Variants in CNTNAP2 observed in about 807,000 individuals in gnomAD.
The protein encoded by CNTNAP2 is contactin-associated protein-like 2.
A neutral mutation model predicts 155.2 loss-of-function variants in CNTNAP2; 98 were observed. That is an observed-to-expected ratio of 0.63 (90% CI 0.54 to 0.75). CNTNAP2 has a LOEUF of 0.75. Ranked by LOEUF, CNTNAP2 falls within the 30% of genes least tolerant of loss-of-function variation. The pLI is 0.00. For synonymous variants in CNTNAP2, 651 were observed against 631.2 expected (o/e 1.03, Z -0.47); for missense variants, 1,727 against 1,688.1 (o/e 1.02, Z -0.40).
At chr7:147,432,989 T>C (rs1797490914) in intron 10 of CNTNAP2, among the ~76,000 whole-genome samples, 1 of 152,200 alleles carries the variant, frequency 6.6e-6, no homozygotes, top group Non-Finnish European at 1.5e-5. Context: ...TCTAAAACAC[T>C]GGTGCCTGGC....
chr7:146,616,017 T>C (rs796651804), intron 1 of CNTNAP2, among the ~76,000 whole-genome samples: 10 of 152,334 alleles, frequency 6.6e-5, no homozygotes, highest in South Asian at 6.2e-4. Flanking sequence ...GTTAGAATTT[T>C]AGTATGACAA....
At chr7:148,267,174 G>C (rs752509097) in intron 21 of CNTNAP2, 48 bp downstream of exon 21, 11 of 1,492,388 alleles carry the variant, frequency 7.4e-6, no homozygotes, top group Non-Finnish European at 1.0e-5. Flanking sequence ...AAATACATTT[G>C]GGTAATGTGA....
chr7:147,202,497 A>G (rs1233610734), intron 8 of CNTNAP2, among the ~76,000 whole-genome samples: 1 of 152,234 alleles, frequency 6.6e-6, no homozygotes, highest in Non-Finnish European at 1.5e-5. Flanking sequence ...GTACAGTATC[A>G]AACTGTCCAT....
At chr7:146,667,879 T>A (rs1179958073) in intron 1 of CNTNAP2, among the ~76,000 whole-genome samples, 1 of 152,084 alleles carries the variant, frequency 6.6e-6, no homozygotes, top group Non-Finnish European at 1.5e-5. Context: ...TTCAGTAGAA[T>A]CTTTAGGTTT....
intron 3 of CNTNAP2, among the ~76,000 whole-genome samples, chr7:147,019,174 C>A (rs1280478426): frequency 6.6e-6 from 1 of 151,992 alleles, no homozygotes; most frequent in Non-Finnish European, 1.5e-5. Context: ...CTCTTAATCT[C>A]AAAAAATATA....
At chr7:146,430,194 A>AT (rs1796153446) in intron 1 of CNTNAP2, among the ~76,000 whole-genome samples, 1 of 143,062 alleles carries the variant, frequency 7.0e-6, no homozygotes, top group African/African-American at 2.5e-5. Context: ...TTTTTGTTTT[A>AT]TTTTTTTAAT....
chr7:147,627,708 AAAAAAAG>A (rs1444604162), intron 12 of CNTNAP2, among the ~76,000 whole-genome samples: 6 of 150,694 alleles, frequency 4.0e-5, no homozygotes, highest in African/African-American at 1.2e-4. Context: ...AAAAAAAAAA[AAAAAAAG>A]ATATTAAAAC....
intron 14 of CNTNAP2, among the ~76,000 whole-genome samples, chr7:147,949,296 T>G (rs1279454654): frequency 1.3e-5 from 2 of 151,900 alleles, no homozygotes; most frequent in Non-Finnish European, 1.5e-5. Context: ...AAAGTCTTCA[T>G]CCTTCCTGTC....
At chr7:146,365,963 A>T (rs1563056609) in intron 1 of CNTNAP2, among the ~76,000 whole-genome samples, 1 of 152,206 alleles carries the variant, frequency 6.6e-6, no homozygotes. Flanking sequence ...TCAATGCTAT[A>T]CATTAAAACG....
intron 9 of CNTNAP2, among the ~76,000 whole-genome samples, chr7:147,375,249 G>A (rs1796415202): frequency 6.6e-6 from 1 of 151,626 alleles, no homozygotes; most frequent in Non-Finnish European, 1.5e-5. Context: ...CAATCCTCAT[G>A]ATGATATTAT....
At chr7:147,497,513 G>C (rs539463702) in intron 11 of CNTNAP2, among the ~76,000 whole-genome samples, 25 of 152,272 alleles carry the variant, frequency 1.6e-4, no homozygotes, top group African/African-American at 6.0e-4. Flanking sequence ...AGGCTAGGTA[G>C]AGCCAAGTGA....
intron 15 of CNTNAP2, among the ~76,000 whole-genome samples, chr7:148,104,908 C>T (rs138102303): frequency 1.7e-3 from 261 of 152,212 alleles, no homozygotes; most frequent in African/African-American, 6.0e-3. Flanking sequence ...GTAGGCTTTG[C>T]AGATGGTCAT....
Position 146,500,318 on chromosome 7 carries a change from A to G in CNTNAP2, c.98-273953A>G, listed in dbSNP as rs181410209. Among the ~76,000 whole-genome samples the G allele has an allele frequency of 5.0e-3, 755 of 152,326 alleles. 3 individuals carry two copies. Among genetic ancestry groups the G allele is most frequent in the African/African-American group, 0.017 (705 of 41,584 alleles). On this transcript the variant is annotated intron_variant, in intron 1 of 23. Coordinates refer to ENST00000361727, the MANE Select transcript of CNTNAP2 (RefSeq NM_014141.6). ...ATTGCCAAGGAAGAAGGCTTTAATC[A>G]GGTGCTACAGTCGAGGAGATGGGAG...
chr7:146,884,036 T>C (rs940996918), intron 3 of CNTNAP2, among the ~76,000 whole-genome samples: 1 of 152,158 alleles, frequency 6.6e-6, no homozygotes, highest in Non-Finnish European at 1.5e-5. Context: ...AAAGTTCATC[T>C]GATTTCTAAC....
chr7:148,250,651 T>C (rs1796347734), intron 20 of CNTNAP2, among the ~76,000 whole-genome samples: 2 of 152,130 alleles, frequency 1.3e-5, no homozygotes, highest in African/African-American at 4.8e-5. Context: ...GGCCACCAGA[T>C]TATGGTTGGG....
chr7:146,998,821 A>C (rs770784071), intron 3 of CNTNAP2, among the ~76,000 whole-genome samples: 3 of 151,876 alleles, frequency 2.0e-5, no homozygotes, highest in Admixed American at 1.3e-4. Flanking sequence ...ATTTTATCTG[A>C]TATAACTATA....
chr7:147,863,506 C>A (rs1195770505), intron 13 of CNTNAP2, among the ~76,000 whole-genome samples: 1 of 152,230 alleles, frequency 6.6e-6, no homozygotes, highest in East Asian at 1.9e-4. Context: ...AATTACCGCA[C>A]TGTCTTCCAC....
chr7:146,710,757 C>T (rs1003322768), intron 1 of CNTNAP2, among the ~76,000 whole-genome samples: 1 of 152,070 alleles, frequency 6.6e-6, no homozygotes, highest in African/African-American at 2.4e-5. Context: ...TTCTTATCCT[C>T]ATTAGAGCAA....
intron 18 of CNTNAP2, among the ~76,000 whole-genome samples, chr7:148,193,583 A>T (rs1323011765): frequency 2.0e-5 from 3 of 152,040 alleles, no homozygotes; most frequent in African/African-American, 7.2e-5. Context: ...ACCTAAAAAG[A>T]TTCCTGTAAT....
Sources: gnomAD v4.1 joint callset for allele counts (sites outside exome capture counted in the v4.1 genomes callset) on GRCh38, gnomAD v4.1.1 for gene constraint, MANE v1.5 for transcripts, NCBI Gene and HGNC (gene_info 2026-07-23, HGNC 2026-07-21) for gene names.